The following ENOX1 variants were observed in gnomAD, a reference collection of about 807,000 sequenced individuals.
ENOX1 encodes candidate growth-related and time keeping constitutive hydroquinone (NADH) oxidase.
ENOX1 carries 42 observed loss-of-function variants against 82.5 expected under a neutral mutation model. That is an observed-to-expected ratio of 0.51 (90% CI 0.40 to 0.66). The LOEUF (loss-of-function observed/expected upper bound fraction) is 0.66. Among genes scored for constraint, ENOX1 ranks in the 30% least tolerant of loss-of-function variants. The pLI, the probability that ENOX1 is intolerant of heterozygous loss-of-function variation, is 0.00. For synonymous variants in ENOX1, 271 were observed against 282.2 expected (o/e 0.96, Z 0.40); for missense variants, 608 against 811.6 (o/e 0.75, Z 3.05).
intron 3 of ENOX1, among the ~76,000 whole-genome samples, chr13:43,458,104 C>G (rs1477402392): frequency 6.6e-6 from 1 of 152,022 alleles, no homozygotes; most frequent in Non-Finnish European, 1.5e-5. Context: ...AATTATGGAC[C>G]AATAACTTTT....
intron 11 of ENOX1, among the ~76,000 whole-genome samples, chr13:43,305,550 AG>A: frequency 7.2e-6 from 1 of 138,288 alleles, no homozygotes. Flanking sequence ...AATGGGCAGC[AG>A]GTGACTCAGG....
intron 15 of ENOX1, 87 bp downstream of exon 15, chr13:43,236,549 T>G: frequency 1.3e-6 from 1 of 775,340 alleles, no homozygotes; most frequent in Non-Finnish European, 2.0e-6. Flanking sequence ...CAATGCTGTT[T>G]AAATTAATAA....
intron 13 of ENOX1, among the ~76,000 whole-genome samples, chr13:43,266,337 C>T (rs1416256595): frequency 6.6e-6 from 1 of 152,164 alleles, no homozygotes; most frequent in African/African-American, 2.4e-5. Flanking sequence ...ACATATACCA[C>T]CAATGTGTTT....
chr13:43,312,669 T>C lies in ENOX1; in HGVS notation c.1261+9715A>G, dbSNP rs537202312. Among the ~76,000 whole-genome samples the C allele has an allele frequency of 2.0e-5, 3 of 152,338 alleles. No individual in the cohort carries two copies. In the South Asian group the frequency reaches 6.2e-4, roughly 32 times the overall value. On this transcript the variant is annotated intron_variant, in intron 11 of 16. Transcript: ENST00000690772. ...CTCTTCAAAGCATTTTCTTTTCTTC[T>C]TTTTCTTGTCTAAAGCCATACAGCA...
chr13:43,301,582 CAA>C (rs34477975), intron 11 of ENOX1, among the ~76,000 whole-genome samples: 35 of 139,984 alleles, frequency 2.5e-4, no homozygotes, highest in Middle Eastern at 3.8e-3. Flanking sequence ...ATTCCCCCAC[CAA>C]AAAAAAAAAA....
chr13:43,293,238 TACAGTCACCGTCACTACC>T (rs2046102879), intron 12 of ENOX1, among the ~76,000 whole-genome samples: 1 of 151,660 alleles, frequency 6.6e-6, no homozygotes, highest in South Asian at 2.1e-4. Flanking sequence ...ATCCTCTCAC[TACAGTCACCGTCACTACC>T]ACAGTCACCA....
rs1438978957 is a variant in ENOX1, at chr13:43,240,771, G to A, written c.1612-4033C>T. On this transcript the variant is annotated intron_variant, in intron 14 of 16. Coordinates refer to ENST00000690772, the MANE Select transcript of ENOX1 (RefSeq NM_001347969.2). ...ATTAGCCAGGAAGTAGGATGTGCAC[G>A]TTTCTGAACTTAGAAGCAAGGCTCT... is the stretch of plus-strand genomic sequence containing the variant. Among the ~76,000 whole-genome samples the A allele has an allele frequency of 3.9e-5, 6 of 152,222 alleles. No homozygotes were observed. In the East Asian group the frequency reaches 5.8e-4, roughly 15 times the overall value.
At chr13:43,607,359 T>C (rs1160864474) in intron 2 of ENOX1, among the ~76,000 whole-genome samples, 2 of 152,228 alleles carry the variant, frequency 1.3e-5, no homozygotes, top group African/African-American at 4.8e-5. Context: ...GCTTTCTGTT[T>C]TTCCTTTCTT....
In ENOX1 at chr13:43,631,550, T is replaced by G. The variant is rs188695635; in HGVS notation, c.-219+35929A>C. Among the ~76,000 whole-genome samples, 15 of 152,276 alleles carry G rather than the reference T, an allele frequency of 9.9e-5. No homozygotes were observed. The East Asian group carries it at 2.5e-3, about 25-fold the overall frequency. ...TTCCTCTGGTTTGTACTCTGCCAGT[T>G]TGAGTCAGTAGAAAGGTAAGAAATT... On this transcript the variant is annotated intron_variant, in intron 2 of 16. Transcript: ENST00000690772.
intron 11 of ENOX1, among the ~76,000 whole-genome samples, chr13:43,310,722 GAAAGA>G (rs2047152721): frequency 6.6e-6 from 1 of 151,970 alleles, no homozygotes; most frequent in South Asian, 2.1e-4. Flanking sequence ...AGAAAAGAAA[GAAAGA>G]AAAAAGAAAG....
intron 2 of ENOX1, among the ~76,000 whole-genome samples, chr13:43,646,329 A>C (rs2083893287): frequency 6.6e-6 from 1 of 152,184 alleles, no homozygotes; most frequent in African/African-American, 2.4e-5. Context: ...TGACAGCTCT[A>C]TATGATTGAT....
At chr13:43,456,509 C>T (rs890789900) in intron 3 of ENOX1, among the ~76,000 whole-genome samples, 3 of 152,156 alleles carry the variant, frequency 2.0e-5, no homozygotes, top group Admixed American at 6.5e-5. Flanking sequence ...AACAGGGACT[C>T]TGCCAATCAG....
At chr13:43,611,477 G>C (rs995871104) in intron 2 of ENOX1, among the ~76,000 whole-genome samples, 1 of 152,152 alleles carries the variant, frequency 6.6e-6, no homozygotes, top group African/African-American at 2.4e-5. Flanking sequence ...CACGACCCAT[G>C]TAGTCTCAAA....
intron 11 of ENOX1, among the ~76,000 whole-genome samples, chr13:43,319,567 C>G (rs573144625): frequency 1.3e-5 from 2 of 152,120 alleles, no homozygotes; most frequent in South Asian, 2.1e-4. Context: ...TCCCTGCCCC[C>G]CAAAATAAAA....
At chr13:43,387,817 C>T (rs934099639) in intron 5 of ENOX1, among the ~76,000 whole-genome samples, 1 of 151,452 alleles carries the variant, frequency 6.6e-6, no homozygotes, top group South Asian at 2.1e-4. Flanking sequence ...GATACATATG[C>T]AAAAACATAG....
chr13:43,260,393 G>T (rs769088164), intron 14 of ENOX1, among the ~76,000 whole-genome samples: 2 of 152,206 alleles, frequency 1.3e-5, no homozygotes, highest in African/African-American at 2.4e-5. Flanking sequence ...TTTAACCCCA[G>T]TGTGGGAGTG....
intron 3 of ENOX1, among the ~76,000 whole-genome samples, chr13:43,414,839 C>T (rs1364976462): frequency 6.6e-6 from 1 of 152,184 alleles, no homozygotes; most frequent in Admixed American, 6.5e-5. Flanking sequence ...TTCTGGAACA[C>T]TATATCAGAG....
At chr13:43,695,854 A>G (rs2153806440) in intron 1 of ENOX1, among the ~76,000 whole-genome samples, 1 of 152,312 alleles carries the variant, frequency 6.6e-6, no homozygotes, top group East Asian at 1.9e-4. Context: ...TTTTTAATAT[A>G]TTCACAGAGT....
At position 43,322,424 on chromosome 13, in the gene ENOX1, G is replaced by C; in HGVS notation, c.1221C>G (p.Asn407Lys). 1 of 1,614,104 alleles carries C rather than the reference G, an allele frequency of 6.2e-7. No homozygotes were observed. Among genetic ancestry groups the C allele is most frequent in the Non-Finnish European group, 8.5e-7 (1 of 1,179,954 alleles). The change falls in exon 11 of 17, where the codon AAC (asparagine) becomes AAG (lysine). Residue 407 changes from asparagine (N) to lysine (K), a missense_variant. Physicochemically the swap from Asn to Lys is moderately conservative, Grantham distance 94. Transcript: ENST00000690772. ...EEEMEMSDDENCDSPTKKMRV... is the reference protein window; with the variant it reads ...EEEMEMSDDEKCDSPTKKMRV... The stretch of plus-strand genomic sequence containing the variant: ...TCATTTTCTTTGTAGGGCTGTCACA[G>C]TTCTCATCATCAGACATTTCCATTT...
Sources: gnomAD v4.1 joint callset for allele counts (sites outside exome capture counted in the v4.1 genomes callset) on GRCh38, gnomAD v4.1.1 for gene constraint, MANE v1.5 for transcripts, NCBI Gene and HGNC (gene_info 2026-07-23, HGNC 2026-07-21) for gene names.